The following GLS variants were observed in gnomAD, a reference collection of about 807,000 sequenced individuals.
The protein encoded by GLS is glutaminase kidney isoform, mitochondrial.
GLS carries 36 observed loss-of-function variants against 86.7 expected under a neutral mutation model. That is an observed-to-expected ratio of 0.42 (90% confidence interval 0.32 to 0.55). The LOEUF (loss-of-function observed/expected upper bound fraction) is 0.55. GLS is among the 20% of genes least tolerant of loss of function. The pLI, the probability that GLS is intolerant of heterozygous loss-of-function variation, is 0.17. For synonymous variants in GLS, 317 were observed against 305.9 expected (o/e 1.04, Z -0.38); for missense variants, 528 against 833.4 (o/e 0.63, Z 4.51).
intron 9 of GLS, among the ~76,000 whole-genome samples, chr2:190,923,535 TC>T (rs1449858960): frequency 6.6e-4 from 100 of 152,322 alleles, no homozygotes; most frequent in Non-Finnish European, 1.6e-4. Context: ...TATGTCAAGT[TC>T]CCTGATTATG....
intron 14 of GLS, among the ~76,000 whole-genome samples, chr2:190,946,695 CCTTT>C (rs1574616987): frequency 1.3e-5 from 2 of 152,124 alleles, no homozygotes; most frequent in East Asian, 3.9e-4. Flanking sequence ...CCATCTTCTC[CCTTT>C]CTTCCTTTTC....
intron 14 of GLS, among the ~76,000 whole-genome samples, chr2:190,941,541 A>G (rs1690430856): frequency 8.3e-6 from 1 of 120,820 alleles, no homozygotes; most frequent in Non-Finnish European, 1.7e-5. Flanking sequence ...AGAAAAGTAA[A>G]AAAATGCTAG....
intron 12 of GLS, among the ~76,000 whole-genome samples, chr2:190,929,631 G>A (rs564460979): frequency 5.3e-5 from 8 of 151,344 alleles, no homozygotes; most frequent in East Asian, 3.9e-4. Context: ...CACCACACGC[G>A]GCTAAGTTTT....
Position 190,954,893 on chromosome 2 carries a change from A to G in GLS, c.1853+75A>G. 1 of 992,916 alleles carries G rather than the reference A, an allele frequency of 1.0e-6. No individual in the cohort carries two copies. The highest frequency in any genetic ancestry group is 1.5e-6 in the Non-Finnish European group (1 of 658,528). 61.5% of individuals were successfully genotyped at this position (992,916 alleles called of 1,614,324 possible). On this transcript the variant is annotated intron_variant, in intron 17 of 17. Transcript: ENST00000320717. The surrounding 1 kb of genome is among the most constrained non-coding windows in gnomAD (Gnocchi z 4.0). Reference sequence around the variant, plus strand: ...ACTGTAATATTCAAGTGATGATAATATTTCAACCTACTAAGACATTCTTGA... The same window carrying G: ...ACTGTAATATTCAAGTGATGATAATGTTTCAACCTACTAAGACATTCTTGA...
At chr2:190,903,563 T>C (rs770484582) in intron 5 of GLS, among the ~76,000 whole-genome samples, 3 of 152,204 alleles carry the variant, frequency 2.0e-5, no homozygotes, top group Admixed American at 6.5e-5. Flanking sequence ...TATCAAGTAA[T>C]GGAAGTCTTT....
At chr2:190,909,045 CTAATT>C (rs1192589305) in intron 6 of GLS, among the ~76,000 whole-genome samples, 1 of 152,072 alleles carries the variant, frequency 6.6e-6, no homozygotes, top group African/African-American at 2.4e-5. Context: ...AAAGTATAAA[CTAATT>C]TATACTAATT....
At chr2:190,928,166 A>G (rs145296534) in intron 12 of GLS, among the ~76,000 whole-genome samples, 2 of 152,078 alleles carry the variant, frequency 1.3e-5, no homozygotes, top group African/African-American at 4.8e-5. Context: ...TCAGTATGTA[A>G]TTCTAAATAA....
chr2:190,881,682 C>G (rs933951648), intron 1 of GLS: 9 of 477,764 alleles, frequency 1.9e-5, no homozygotes, highest in African/African-American at 8.3e-5. Context: ...GCACCCACTT[C>G]CCTTCTCCGC....
chr2:190,900,834 A>G, intron 4 of GLS, 141 bp downstream of exon 4: 1 of 521,304 alleles, frequency 1.9e-6, no homozygotes, highest in Non-Finnish European at 3.4e-6. Flanking sequence ...AAGTGAAGCC[A>G]CTGGATTTAG....
intron 14 of GLS, among the ~76,000 whole-genome samples, chr2:190,944,246 C>G (rs1352731236): frequency 6.7e-5 from 10 of 149,538 alleles, no homozygotes; most frequent in African/African-American, 2.2e-4. Flanking sequence ...GTCTTCTCTT[C>G]CTGTCTTAAA....
chr2:190,960,923 C>T (rs926546886), intron 17 of GLS, among the ~76,000 whole-genome samples: 3 of 152,170 alleles, frequency 2.0e-5, no homozygotes, highest in African/African-American at 7.2e-5. Flanking sequence ...TTTTAATACC[C>T]ACCCCAGGTT....
At chr2:190,883,354 A>T (rs1192165401) in intron 1 of GLS, among the ~76,000 whole-genome samples, 1 of 152,196 alleles carries the variant, frequency 6.6e-6, no homozygotes, top group Non-Finnish European at 1.5e-5. Flanking sequence ...GTAAGCTCCC[A>T]GTTGATCCTG....
rs1690764920 is a variant in GLS, at chr2:190,953,248, G to A, written c.1651-317G>A. 6.6e-6 allele frequency among the ~76,000 whole-genome samples: 1 copy of A among 152,166 alleles called. No individual in the cohort carries two copies. The highest frequency in any genetic ancestry group is 6.5e-5 in the Admixed American group (1 of 15,270). On this transcript the variant is annotated intron_variant, in intron 14 of 17. Coordinates refer to ENST00000320717, the MANE Select transcript of GLS (RefSeq NM_014905.5). This position sits in a 1 kb window ranked among gnomAD's most constrained non-coding sequence, Gnocchi z 4.0. The stretch of plus-strand genomic sequence containing the variant: ...AATATTGAGACATAGAAAATGGGAA[G>A]GCTTCTAAACAATTTTCAGTTGCCC...
intron 6 of GLS, among the ~76,000 whole-genome samples, chr2:190,909,527 G>A (rs746018903): frequency 3.3e-5 from 5 of 151,996 alleles, no homozygotes; most frequent in African/African-American, 9.7e-5. Context: ...GTTGAGGTTC[G>A]CTTGTAAATA....
rs1689738303 is a variant in GLS, at chr2:190,921,606, T to C, written c.1130+403T>C. Among the ~76,000 whole-genome samples, 1 of 151,994 alleles carries C rather than the reference T, an allele frequency of 6.6e-6. No homozygotes were observed. Among genetic ancestry groups the C allele is most frequent in the Admixed American group, 6.6e-5 (1 of 15,254 alleles). On this transcript the variant is annotated intron_variant, in intron 9 of 17. Transcript: ENST00000320717. The surrounding 1 kb of genome is among the most constrained non-coding windows in gnomAD (Gnocchi z 4.2). ...CTTGCTTTTTCTCAATCTCTGTCTC[T>C]TTAGATAGATAAAAAATATGTATGT...
In GLS at chr2:190,930,324, C is replaced by T; in HGVS notation, c.1426-113C>T. On this transcript the variant is annotated intron_variant, in intron 12 of 17. Coordinates refer to ENST00000320717, the MANE Select transcript of GLS (RefSeq NM_014905.5). The surrounding 1 kb of genome is among the most constrained non-coding windows in gnomAD (Gnocchi z 5.0). ...CTGCTTGCCTTGGCCTCCCAAAGTG[C>T]TGAGATTACAGGAGTGAGCCATGGT... 1.3e-6 allele frequency: 1 copy of T among 762,544 alleles called. No individual in the cohort carries two copies. Among genetic ancestry groups the T allele is most frequent in the Non-Finnish European group, 2.2e-6 (1 of 454,892 alleles). 47.2% of individuals were successfully genotyped at this position (762,544 alleles called of 1,614,324 possible).
chr2:190,904,106 A>C (rs903069348), intron 5 of GLS, among the ~76,000 whole-genome samples: 1 of 151,426 alleles, frequency 6.6e-6, no homozygotes, highest in Non-Finnish European at 1.5e-5. Flanking sequence ...TGCCTACTGA[A>C]CTTAGTGCCA....
At position 190,953,372 on chromosome 2, in the gene GLS, C is replaced by T. The variant is rs528865173; in HGVS notation, c.1651-193C>T. On this transcript the variant is annotated intron_variant, in intron 14 of 17. Coordinates refer to ENST00000320717, the MANE Select transcript of GLS (RefSeq NM_014905.5). The surrounding 1 kb of genome is among the most constrained non-coding windows in gnomAD (Gnocchi z 4.0). ...TTATCTTTATTATTGAATTTTCCCTCACAATCCACTGTTAAAAGAAGAAAG... is the reference window on the plus strand; with the variant it reads ...TTATCTTTATTATTGAATTTTCCCTTACAATCCACTGTTAAAAGAAGAAAG... Among the ~76,000 whole-genome samples the T allele has an allele frequency of 3.8e-4, 58 of 152,306 alleles. No homozygotes were observed. The highest frequency in any genetic ancestry group is 1.3e-3 in the African/African-American group (55 of 41,568).
At position 190,949,750 on chromosome 2, in the gene GLS, C is replaced by T. The variant is rs1407559971; in HGVS notation, c.1651-3815C>T. Among the ~76,000 whole-genome samples the T allele has an allele frequency of 6.6e-6, 1 of 151,764 alleles. No homozygotes were observed. Among genetic ancestry groups the T allele is most frequent in the Non-Finnish European group, 1.5e-5 (1 of 67,954 alleles). ...GAGGAATTAATTTTGCAATTTAATACCCAAAATTGAATATTTGATGCCTTG... is the reference window on the plus strand; with the variant it reads ...GAGGAATTAATTTTGCAATTTAATATCCAAAATTGAATATTTGATGCCTTG... On this transcript the variant is annotated intron_variant, in intron 14 of 17. Transcript: ENST00000320717. The surrounding 1 kb of genome is among the most constrained non-coding windows in gnomAD (Gnocchi z 4.0).
Sources: allele counts gnomAD v4.1 joint callset (sites outside exome capture counted in the v4.1 genomes callset), GRCh38; gene constraint gnomAD v4.1.1; non-coding constraint Gnocchi (gnomAD v3.1); transcripts MANE v1.5; gene names NCBI Gene and HGNC (gene_info 2026-07-23, HGNC 2026-07-21).